Variants in ITPR2 observed in about 807,000 individuals in gnomAD.
ITPR2 encodes the protein inositol 1,4,5-trisphosphate receptor type 2, also known as inositol 1,4,5-trisphosphate-gated calcium channel ITPR2.
Under a neutral mutation model 317.1 loss-of-function variants are expected in ITPR2, and 207 were observed. The observed-to-expected ratio is 0.65, with a 90% CI of 0.58 to 0.73. ITPR2 has a LOEUF of 0.73. ITPR2 is among the 30% of genes least tolerant of loss of function. The pLI, the probability that ITPR2 is intolerant of heterozygous loss-of-function variation, is 0.00. For synonymous variants in ITPR2, 1,156 were observed against 1,149.1 expected (o/e 1.01, Z -0.12); for missense variants, 2,613 against 3,284.0 (o/e 0.80, Z 4.99).
At chr12:26,556,947 C>T (rs1944680328) in intron 35 of ITPR2, among the ~76,000 whole-genome samples, 1 of 151,920 alleles carries the variant, frequency 6.6e-6, no homozygotes, top group South Asian at 2.1e-4. Flanking sequence ...GGCATGGTGG[C>T]ATGCGCGTGT....
At chr12:26,463,975 C>T (rs1182160246) in intron 45 of ITPR2, among the ~76,000 whole-genome samples, 2 of 152,148 alleles carry the variant, frequency 1.3e-5, no homozygotes, top group Non-Finnish European at 2.9e-5. Flanking sequence ...AAATGCTTTT[C>T]TCGGTTTATC....
intron 45 of ITPR2, among the ~76,000 whole-genome samples, chr12:26,467,280 C>A (rs1942191195): frequency 6.6e-6 from 1 of 151,974 alleles, no homozygotes; most frequent in Admixed American, 6.6e-5. Context: ...TCAGGAAATC[C>A]AAAAAATTTC....
intron 56 of ITPR2, 70 bp from the exon 57 acceptor site, chr12:26,339,553 C>A (rs563004192): frequency 1.7e-6 from 2 of 1,160,046 alleles, no homozygotes; most frequent in African/African-American, 3.0e-5. Context: ...GGGCCACAAC[C>A]GTTTTGAGTT....
chr12:26,774,364 T>C (rs1462873216), intron 2 of ITPR2, among the ~76,000 whole-genome samples: 2 of 152,132 alleles, frequency 1.3e-5, no homozygotes, highest in Non-Finnish European at 2.9e-5. Flanking sequence ...TTAGCCTGGG[T>C]GTGGTGGCTC....
intron 2 of ITPR2, among the ~76,000 whole-genome samples, chr12:26,778,037 G>A (rs1341237668): frequency 2.0e-5 from 3 of 152,142 alleles, no homozygotes; most frequent in Non-Finnish European, 4.4e-5. Context: ...TTTTAGCTCA[G>A]GTTCAACTTA....
At chr12:26,568,006 T>TA (rs1196635588) in intron 34 of ITPR2, among the ~76,000 whole-genome samples, 115 of 7,504 alleles carry the variant, frequency 0.015, 3 homozygotes, top group East Asian at 0.049. Flanking sequence ...ATTATATATA[T>TA]TATATATATA....
chr12:26,595,642 T>C, intron 31 of ITPR2, 52 bp from the exon 32 acceptor site: 6 of 1,379,284 alleles, frequency 4.4e-6, no homozygotes, highest in East Asian at 2.4e-5. Context: ...TTGATGACTT[T>C]CAAATATCAA....
intron 26 of ITPR2, among the ~76,000 whole-genome samples, chr12:26,606,544 CT>C (rs10701661): frequency 8.9e-4 from 128 of 143,378 alleles, no homozygotes; most frequent in Middle Eastern, 3.6e-3. Context: ...TAGTTCCTCC[CT>C]TTTTTTTTTT....
chr12:26,401,317 C>T (rs1940171330), intron 52 of ITPR2, among the ~76,000 whole-genome samples: 1 of 152,026 alleles, frequency 6.6e-6, no homozygotes, highest in Non-Finnish European at 1.5e-5. Flanking sequence ...AAAATTGGGG[C>T]AGATATTATT....
Position 26,661,523 on chromosome 12 carries a change from A to G in ITPR2, c.1713+2162T>C, listed in dbSNP as rs565941085. ...CCCTGCCATCCCAAAGCACAGGGCT[A>G]TAGAAAAGGGAAGGGGCCCCAAGTA... On this transcript the variant is annotated intron_variant, in intron 15 of 56. Coordinates refer to ENST00000381340, the MANE Select transcript of ITPR2 (RefSeq NM_002223.4). Among the ~76,000 whole-genome samples, 3 of 152,252 alleles carry G rather than the reference A, an allele frequency of 2.0e-5. No homozygotes were observed. In the East Asian group the frequency reaches 5.8e-4, roughly 29 times the overall value.
intron 37 of ITPR2, among the ~76,000 whole-genome samples, chr12:26,536,020 T>C (rs1944080161): frequency 6.6e-6 from 1 of 152,350 alleles, no homozygotes; most frequent in Non-Finnish European, 1.5e-5. Flanking sequence ...TTCGTCCATA[T>C]GTTTTCTCAG....
At chr12:26,742,981 G>A (rs1208992144) in intron 2 of ITPR2, among the ~76,000 whole-genome samples, 9 of 152,162 alleles carry the variant, frequency 5.9e-5, no homozygotes, top group East Asian at 1.9e-4. Flanking sequence ...AAGGAGCTTC[G>A]CCAGGGCTGG....
chr12:26,594,545 T>C (rs117699089), intron 32 of ITPR2, among the ~76,000 whole-genome samples: 2 of 152,176 alleles, frequency 1.3e-5, no homozygotes, highest in Non-Finnish European at 2.9e-5. Context: ...ATAAGGCCTA[T>C]ACAAAGCTAC....
chr12:26,506,093 T>C (rs1399035086), intron 37 of ITPR2, among the ~76,000 whole-genome samples: 1 of 151,832 alleles, frequency 6.6e-6, no homozygotes, highest in Non-Finnish European at 1.5e-5. Context: ...TATTACATTG[T>C]ATTACTGGCT....
At position 26,578,680 on chromosome 12, in the gene ITPR2, G is replaced by A. The variant is rs573355543; in HGVS notation, c.4630+33C>T. 2.6e-6 allele frequency: 4 copies of A among 1,549,642 alleles called. No individual in the cohort carries two copies. The Admixed American group carries it at 5.2e-5, about 20-fold the overall frequency. On this transcript the variant is annotated intron_variant, in intron 34 of 56. Coordinates refer to ENST00000381340, the MANE Select transcript of ITPR2 (RefSeq NM_002223.4). ...CAAAAACCTAATTTCTTCAAGAAATGTAAAAATAAGTAAAACTCAAACTAT... is the reference window on the plus strand; with the variant it reads ...CAAAAACCTAATTTCTTCAAGAAATATAAAAATAAGTAAAACTCAAACTAT...
At chr12:26,708,139 T>C (rs1417685300) in intron 9 of ITPR2, among the ~76,000 whole-genome samples, 1 of 152,138 alleles carries the variant, frequency 6.6e-6, no homozygotes, top group Non-Finnish European at 1.5e-5. Context: ...AACCCTCACA[T>C]GGTTGGTAGG....
intron 2 of ITPR2, among the ~76,000 whole-genome samples, chr12:26,779,998 G>A (rs1459789210): frequency 1.3e-5 from 2 of 152,206 alleles, no homozygotes; most frequent in African/African-American, 4.8e-5. Context: ...AGCAGAGGAG[G>A]ATTTTAATAA....
At chr12:26,357,007 AATAAC>A (rs1421261751) in intron 55 of ITPR2, among the ~76,000 whole-genome samples, 2 of 152,214 alleles carry the variant, frequency 1.3e-5, no homozygotes, top group African/African-American at 4.8e-5. Context: ...AGTCTGATGA[AATAAC>A]ATAATGTTTT....
chr12:26,620,723 G>T (rs1591969995), intron 26 of ITPR2, among the ~76,000 whole-genome samples: 1 of 151,992 alleles, frequency 6.6e-6, no homozygotes, highest in African/African-American at 2.4e-5. Context: ...ATAAGGATAT[G>T]CATAATGATA....
Sources: gnomAD v4.1 joint callset for allele counts (sites outside exome capture counted in the v4.1 genomes callset) on GRCh38, gnomAD v4.1.1 for gene constraint, MANE v1.5 for transcripts, NCBI Gene and HGNC (gene_info 2026-07-23, HGNC 2026-07-21) for gene names.